MAGI2: variants seen among roughly 807,000 people sequenced by gnomAD.
MAGI2 encodes membrane-associated guanylate kinase, WW and PDZ domain-containing protein 2.
In MAGI2, 35 loss-of-function variants were observed where a neutral mutation model predicts 133.3. The observed-to-expected ratio is 0.26, with a 90% CI of 0.20 to 0.35. The LOEUF (loss-of-function observed/expected upper bound fraction) is 0.35, where lower values mean the gene tolerates loss of function less well. MAGI2 is among the 10% of genes least tolerant of loss of function. MAGI2 has a pLI of 1.00. For synonymous variants in MAGI2, 729 were observed against 710.6 expected (o/e 1.03, Z -0.41); for missense variants, 1,636 against 1,863.4 (o/e 0.88, Z 2.25).
At chr7:78,043,786 G>A (rs1312890956) in intron 21 of MAGI2, among the ~76,000 whole-genome samples, 1 of 152,198 alleles carries the variant, frequency 6.6e-6, no homozygotes, top group Non-Finnish European at 1.5e-5. Flanking sequence ...ACAATTTACT[G>A]AGGGGAAATA....
intron 15 of MAGI2, 64 bp downstream of exon 15, chr7:78,167,852 C>A: frequency 6.7e-7 from 1 of 1,496,488 alleles, no homozygotes; most frequent in Non-Finnish European, 9.1e-7. Context: ...GTGGCCTTAC[C>A]ATGTCTCACA....
At chr7:78,757,541 A>T (rs1322537280) in intron 2 of MAGI2, among the ~76,000 whole-genome samples, 1 of 152,112 alleles carries the variant, frequency 6.6e-6, no homozygotes, top group African/African-American at 2.4e-5. Flanking sequence ...CTCTATCTCC[A>T]TTTCCGTTTT....
intron 2 of MAGI2, among the ~76,000 whole-genome samples, chr7:78,872,142 A>AT (rs750989850): frequency 4.0e-5 from 6 of 151,562 alleles, no homozygotes; most frequent in Non-Finnish European, 8.8e-5. Flanking sequence ...TCAAAGGGCA[A>AT]TTTTTTTCTC....
At chr7:78,937,378 A>G (rs964701227) in intron 2 of MAGI2, among the ~76,000 whole-genome samples, 7 of 152,142 alleles carry the variant, frequency 4.6e-5, no homozygotes, top group Non-Finnish European at 1.0e-4. Context: ...TGAAAGACAA[A>G]TGATAGAAAC....
intron 12 of MAGI2, 117 bp downstream of exon 12, chr7:78,194,757 G>T: frequency 1.2e-6 from 1 of 866,696 alleles, no homozygotes; most frequent in Non-Finnish European, 1.6e-6. Context: ...CTCTGCTCTT[G>T]AAACACTTTT....
intron 3 of MAGI2, among the ~76,000 whole-genome samples, chr7:78,578,299 C>G (rs373556328): frequency 6.6e-6 from 1 of 151,622 alleles, no homozygotes; most frequent in Non-Finnish European, 1.5e-5. Flanking sequence ...TGAGAGAGAG[C>G]TATGAAGATG....
At chr7:79,195,822 T>A (rs372340252) in intron 1 of MAGI2, among the ~76,000 whole-genome samples, 1 of 151,802 alleles carries the variant, frequency 6.6e-6, no homozygotes, top group African/African-American at 2.4e-5. Flanking sequence ...ACAACATGGA[T>A]GAACCTGGAG....
At chr7:78,205,980 C>T (rs569923373) in intron 10 of MAGI2, among the ~76,000 whole-genome samples, 14 of 152,278 alleles carry the variant, frequency 9.2e-5, no homozygotes, top group Non-Finnish European at 2.9e-5. Context: ...CACAAAAGGC[C>T]ATTTTCAAAC....
At chr7:79,039,152 T>C (rs1375920051) in intron 1 of MAGI2, among the ~76,000 whole-genome samples, 2 of 152,012 alleles carry the variant, frequency 1.3e-5, no homozygotes, top group Non-Finnish European at 2.9e-5. Context: ...CTCGTGATAG[T>C]GAGTGAGTTT....
intron 2 of MAGI2, among the ~76,000 whole-genome samples, chr7:78,973,679 A>T (rs1304288781): frequency 6.6e-6 from 1 of 151,666 alleles, no homozygotes; most frequent in Non-Finnish European, 1.5e-5. Context: ...CCTGCAAATG[A>T]GGCCTGCGGA....
At chr7:79,407,872 A>AC (rs1845914184) in intron 1 of MAGI2, among the ~76,000 whole-genome samples, 1 of 152,100 alleles carries the variant, frequency 6.6e-6, no homozygotes, top group African/African-American at 2.4e-5. Flanking sequence ...AGGATTGTAC[A>AC]TACAAATCTG....
chr7:78,733,173 T>C (rs1278698788), intron 2 of MAGI2, among the ~76,000 whole-genome samples: 2 of 152,162 alleles, frequency 1.3e-5, no homozygotes, highest in Admixed American at 6.6e-5. Flanking sequence ...GCAAAATCTT[T>C]AGTAACACAA....
chr7:78,986,664 G>C (rs1027435160), intron 2 of MAGI2, among the ~76,000 whole-genome samples: 1 of 151,910 alleles, frequency 6.6e-6, no homozygotes, highest in African/African-American at 2.4e-5. Flanking sequence ...TGGGATTACA[G>C]GCATGAGCTA....
At chr7:79,082,986 C>T (rs1374058248) in intron 1 of MAGI2, among the ~76,000 whole-genome samples, 1 of 151,362 alleles carries the variant, frequency 6.6e-6, no homozygotes, top group Non-Finnish European at 1.5e-5. Context: ...TTCAATTGTT[C>T]ATTGATTATA....
At chr7:78,780,354 T>C (rs1174377352) in intron 2 of MAGI2, among the ~76,000 whole-genome samples, 1 of 151,320 alleles carries the variant, frequency 6.6e-6, no homozygotes, top group South Asian at 2.1e-4. Flanking sequence ...TGTGTGTTCA[T>C]GTGTGTTTGT....
intron 1 of MAGI2, among the ~76,000 whole-genome samples, chr7:79,209,749 A>G (rs547163561): frequency 1.3e-5 from 2 of 152,186 alleles, no homozygotes; most frequent in Non-Finnish European, 2.9e-5. Context: ...CTAAGAAAGT[A>G]CATTGTGCAT....
intron 1 of MAGI2, among the ~76,000 whole-genome samples, chr7:79,106,225 C>T (rs1367361798): frequency 6.6e-6 from 1 of 152,062 alleles, no homozygotes; most frequent in Non-Finnish European, 1.5e-5. Flanking sequence ...TGTCTGATTA[C>T]ATTTATTGTG....
At chr7:78,588,207 T>C (rs1803620707) in intron 3 of MAGI2, among the ~76,000 whole-genome samples, 1 of 152,234 alleles carries the variant, frequency 6.6e-6, no homozygotes, top group African/African-American at 2.4e-5. Flanking sequence ...ATCATCTTTG[T>C]TATGTGACAA....
chr7:78,684,337 T>C (rs1816032962), intron 2 of MAGI2, among the ~76,000 whole-genome samples: 1 of 152,134 alleles, frequency 6.6e-6, no homozygotes, highest in Admixed American at 6.6e-5. Flanking sequence ...AAGCTAGGAA[T>C]CACAGCCTAT....
Sources: allele counts gnomAD v4.1 joint callset (sites outside exome capture counted in the v4.1 genomes callset), GRCh38; gene constraint gnomAD v4.1.1; transcripts MANE v1.5; gene names NCBI Gene and HGNC (gene_info 2026-07-23, HGNC 2026-07-21).